DNAI4: variants seen among roughly 807,000 people sequenced by gnomAD.
DNAI4 encodes the protein WD repeat domain 78.
DNAI4 carries 85 observed loss-of-function variants against 105.8 expected under a neutral mutation model. The ratio of observed to expected loss-of-function variants is 0.80; its 90% CI spans 0.67 to 0.96. The LOEUF is 0.96. Ranked by LOEUF, DNAI4 falls within the 40% of genes least tolerant of loss-of-function variation. The probability of loss-of-function intolerance (pLI) is 0.00; values close to 1 mark genes in which losing one functional copy is unlikely to be tolerated. For missense variants in DNAI4, 1,014 were observed against 1,005.6 expected (o/e 1.01, Z -0.11); for synonymous variants, 352 against 331.5 (o/e 1.06, Z -0.67).
At position 66,905,297 on chromosome 1, in the gene DNAI4, A is replaced by C. The variant is rs779042432; in HGVS notation, c.249T>G (p.Gly83=). ...MKATSVKGYT[G]ANQSRMAVSK... ...ACACAGCCATTCTGCTTTGATTTGCACCAGTATATCCTTTCACTGAAGTTG... is the reference window on the plus strand; with the variant it reads ...ACACAGCCATTCTGCTTTGATTTGCCCCAGTATATCCTTTCACTGAAGTTG... Residue 83 remains glycine, a synonymous_variant, in exon 2 of 17, where the codon GGT becomes GGG. Coordinates refer to ENST00000371026, the MANE Select transcript of DNAI4 (RefSeq NM_024763.5). 3.2e-6 allele frequency: 5 copies of C among 1,580,180 alleles called. No individual in the cohort carries two copies. The East Asian group carries it at 1.1e-4, about 36-fold the overall frequency.
chr1:66,836,191 A>G (rs1167266070), intron 10 of DNAI4, among the ~76,000 whole-genome samples: 8 of 64,562 alleles, frequency 1.2e-4, no homozygotes, highest in East Asian at 6.3e-4. Context: ...AAAGAAAGAA[A>G]GAAAGAAAGA....
intron 16 of DNAI4, among the ~76,000 whole-genome samples, chr1:66,815,494 T>A (rs1049639652): frequency 6.6e-6 from 1 of 152,224 alleles, no homozygotes; most frequent in Non-Finnish European, 1.5e-5. Flanking sequence ...CTTTTTTGAA[T>A]ATTTCAGTTA....
At chr1:66,829,829 C>T (rs1283281270) in intron 13 of DNAI4, among the ~76,000 whole-genome samples, 2 of 152,128 alleles carry the variant, frequency 1.3e-5, no homozygotes, top group East Asian at 3.8e-4. Context: ...TATAACAAAT[C>T]TTAATAAATT....
chr1:66,878,041 A>C (rs1450758262), intron 4 of DNAI4, among the ~76,000 whole-genome samples: 1 of 152,140 alleles, frequency 6.6e-6, no homozygotes, highest in Non-Finnish European at 1.5e-5. Flanking sequence ...TGTTTAGAAG[A>C]AAGTCAACAT....
At chr1:66,891,760 A>G (rs1237969075) in intron 3 of DNAI4, among the ~76,000 whole-genome samples, 3 of 152,178 alleles carry the variant, frequency 2.0e-5, no homozygotes, top group Non-Finnish European at 2.9e-5. Flanking sequence ...CACCGCACCC[A>G]GCCAAAATGT....
At chr1:66,867,156 A>G (rs200281739) in intron 6 of DNAI4, among the ~76,000 whole-genome samples, 182 of 152,346 alleles carry the variant, frequency 1.2e-3, no homozygotes, top group African/African-American at 4.3e-3. Flanking sequence ...ACAGCCAAGC[A>G]TATCAGCAGT....
chr1:66,831,055 T>A (rs78929403), intron 13 of DNAI4, among the ~76,000 whole-genome samples: 2,541 of 150,688 alleles, frequency 0.017, 46 homozygotes, highest in African/African-American at 0.049. Flanking sequence ...GAGTATTATG[T>A]CAATAGATTC....
chr1:66,883,585 C>T (rs1039881519), intron 4 of DNAI4, among the ~76,000 whole-genome samples: 2 of 152,102 alleles, frequency 1.3e-5, no homozygotes, highest in African/African-American at 2.4e-5. Context: ...GCCCAATCTG[C>T]ATGAACTTTA....
chr1:66,864,932 G>A (rs1216057104), intron 6 of DNAI4, among the ~76,000 whole-genome samples: 1 of 152,244 alleles, frequency 6.6e-6, no homozygotes, highest in African/African-American at 2.4e-5. Context: ...TGATAGGACA[G>A]TGTACAGGGG....
chr1:66,860,374 T>C (rs1472070977), intron 7 of DNAI4, among the ~76,000 whole-genome samples: 2 of 152,064 alleles, frequency 1.3e-5, no homozygotes, highest in African/African-American at 4.8e-5. Flanking sequence ...AACTTTTTTT[T>C]CCTTTCTGTT....
chr1:66,916,331 A>G (rs1427008186), intron 1 of DNAI4, among the ~76,000 whole-genome samples: 1 of 152,222 alleles, frequency 6.6e-6, no homozygotes, highest in Non-Finnish European at 1.5e-5. Context: ...AGGTTATTAC[A>G]TCCATGTATC....
At chr1:66,884,266 T>G (rs978683634) in intron 4 of DNAI4, among the ~76,000 whole-genome samples, 3 of 152,218 alleles carry the variant, frequency 2.0e-5, no homozygotes, top group African/African-American at 7.2e-5. Context: ...ACTTGGCTAC[T>G]GTGAATAGTG....
Position 66,833,642 on chromosome 1 carries a change from T to A in DNAI4, c.1956A>T (p.Lys652Asn). 1 of 1,613,486 alleles carries A rather than the reference T, an allele frequency of 6.2e-7. No homozygotes were observed. Among genetic ancestry groups the A allele is most frequent in the East Asian group, 2.2e-5 (1 of 44,842 alleles). Residue 652 changes from lysine to asparagine, a missense_variant, in exon 13 of 17, where the codon AAA becomes AAT. Lys to Asn is a moderately conservative substitution (Grantham distance 94, BLOSUM62 0). Coordinates refer to ENST00000371026, the MANE Select transcript of DNAI4 (RefSeq NM_024763.5). The stretch of plus-strand genomic sequence containing the variant: ...CCTGTCGAGATATCAAAGCTTCATC[T>A]TTCTTTTCCTTTTCCCCTCCTTTTT... ...SNKKGGEKEK[K>N]DEALISRQAP...
intron 8 of DNAI4, among the ~76,000 whole-genome samples, chr1:66,843,748 C>T (rs1007126864): frequency 6.6e-6 from 1 of 152,022 alleles, no homozygotes; most frequent in Non-Finnish European, 1.5e-5. Flanking sequence ...TATTTAGTAC[C>T]ATTTGTTGAA....
At chr1:66,919,988 T>G (rs896169285) in intron 1 of DNAI4, among the ~76,000 whole-genome samples, 12 of 152,136 alleles carry the variant, frequency 7.9e-5, no homozygotes, top group Admixed American at 3.9e-4. Context: ...AGAAGGCAGG[T>G]CCCTGGCGAG....
intron 13 of DNAI4, chr1:66,828,219 A>G (rs1645794886): frequency 6.0e-6 from 1 of 165,462 alleles, no homozygotes; most frequent in African/African-American, 2.4e-5. Context: ...TCTAACATTT[A>G]GAGCTACCTG....
At chr1:66,846,443 T>C (rs981422237) in intron 8 of DNAI4, among the ~76,000 whole-genome samples, 73 of 152,270 alleles carry the variant, frequency 4.8e-4, no homozygotes, top group South Asian at 2.1e-4. Context: ...GGAAATACAA[T>C]AGGCAAACAT....
At chr1:66,892,965 G>GAAAC (rs1378638310) in intron 3 of DNAI4, among the ~76,000 whole-genome samples, 1 of 122,516 alleles carries the variant, frequency 8.2e-6, no homozygotes, top group Non-Finnish European at 1.7e-5. Flanking sequence ...AAGAAAGAAA[G>GAAAC]AAAGAAAGAA....
At chr1:66,918,522 A>ATATGTATGTATTT (rs1650238561) in intron 1 of DNAI4, among the ~76,000 whole-genome samples, 3 of 150,572 alleles carry the variant, frequency 2.0e-5, no homozygotes, top group Non-Finnish European at 4.4e-5. Flanking sequence ...AATAAACAGC[A>ATATGTATGTATTT]ACCTATTTAC....
Sources: allele counts gnomAD v4.1 joint callset (sites outside exome capture counted in the v4.1 genomes callset), GRCh38; gene constraint gnomAD v4.1.1; transcripts MANE v1.5; gene names NCBI Gene and HGNC (gene_info 2026-07-23, HGNC 2026-07-21).